Variants in MED31 observed in about 807,000 individuals in gnomAD.
MED31 encodes mediator of RNA polymerase II transcription subunit 31.
A neutral mutation model predicts 22.0 loss-of-function variants in MED31; 11 were observed. That is an observed-to-expected ratio of 0.50 (90% CI 0.31 to 0.83). The LOEUF (loss-of-function observed/expected upper bound fraction) is 0.83. MED31 is among the 40% of genes least tolerant of loss of function. The pLI, the probability that MED31 is intolerant of heterozygous loss-of-function variation, is 0.04. For synonymous variants in MED31, 60 were observed against 55.1 expected (o/e 1.09, Z -0.40); for missense variants, 122 against 155.3 (o/e 0.79, Z 1.14).
chr17:6,651,019 G>A (rs1420169160), intron 1 of MED31, among the ~76,000 whole-genome samples: 1 of 149,988 alleles, frequency 6.7e-6, no homozygotes, highest in Non-Finnish European at 1.5e-5. Context: ...TACTTGAGAG[G>A]CTGAGGCAGG....
intron 3 of MED31, among the ~76,000 whole-genome samples, chr17:6,649,297 A>G (rs1018956267): frequency 2.6e-5 from 4 of 151,830 alleles, no homozygotes; most frequent in Admixed American, 6.6e-5. Flanking sequence ...AGTAAGCCTT[A>G]ACATGAAAGT....
intron 3 of MED31, among the ~76,000 whole-genome samples, chr17:6,645,057 T>C (rs1216271265): frequency 6.6e-6 from 1 of 152,220 alleles, no homozygotes; most frequent in African/African-American, 2.4e-5. Flanking sequence ...ACAACTTTCA[T>C]TTAAAAGTGA....
chr17:6,651,065 G>A (rs1597635216), intron 1 of MED31, among the ~76,000 whole-genome samples: 1 of 134,542 alleles, frequency 7.4e-6, no homozygotes, highest in Non-Finnish European at 1.5e-5. Flanking sequence ...AGCTTGCAGT[G>A]AGCCGAGATC....
chr17:6,646,416 T>A (rs1156497834), intron 3 of MED31, among the ~76,000 whole-genome samples: 1 of 152,246 alleles, frequency 6.6e-6, no homozygotes, highest in Non-Finnish European at 1.5e-5. Flanking sequence ...TTCCTGTGTC[T>A]ACGTAGAAAA....
chr17:6,645,625 G>C (rs945390372), intron 3 of MED31, among the ~76,000 whole-genome samples: 1 of 152,144 alleles, frequency 6.6e-6, no homozygotes, highest in Non-Finnish European at 1.5e-5. Context: ...AATACTTAGC[G>C]CAAGAAAATA....
At chr17:6,648,404 A>G (rs947395882) in intron 3 of MED31, among the ~76,000 whole-genome samples, 7 of 152,248 alleles carry the variant, frequency 4.6e-5, no homozygotes. Flanking sequence ...AAGCAGGCCA[A>G]GTGGTAGAAA....
At chr17:6,645,266 T>C (rs750876174) in intron 3 of MED31, among the ~76,000 whole-genome samples, 1 of 152,220 alleles carries the variant, frequency 6.6e-6, no homozygotes, top group Non-Finnish European at 1.5e-5. Flanking sequence ...TGAGCTGGTA[T>C]TGAAAACATC....
chr17:6,648,871 G>C (rs1597633920), intron 3 of MED31, among the ~76,000 whole-genome samples: 1 of 152,006 alleles, frequency 6.6e-6, no homozygotes. Context: ...ACCATCTCTC[G>C]GCAACGTTGT....
rs757062158 is a variant in MED31, at chr17:6,650,047, T to G, written c.138A>C (p.Lys46Asn). ...AGTATTTAAGATAATTAACAAAAGC[T>G]TTGTCTTTGAAGTAACCTCTTTGGG... ...FLAQRGYFKD[K>N]AFVNYLKYLL... The change falls in exon 3 of 4, where the codon AAA becomes AAC. Residue 46 changes from lysine (K) to asparagine (N), a missense_variant. Lys to Asn is a moderately conservative substitution (Grantham distance 94). Transcript: ENST00000225728. The G allele has an allele frequency of 3.1e-6, 5 of 1,603,520 alleles. No homozygotes were observed. Among genetic ancestry groups the G allele is most frequent in the South Asian group, 1.1e-5 (1 of 87,378 alleles).
chr17:6,649,888 A>G (rs564722829), intron 3 of MED31, 94 bp downstream of exon 3: 11 of 1,228,786 alleles, frequency 9.0e-6, no homozygotes, highest in Non-Finnish European at 5.4e-6. Flanking sequence ...AAAGAAGTGG[A>G]GAGATTCCAA....
At chr17:6,647,909 G>T (rs1473823591) in intron 3 of MED31, among the ~76,000 whole-genome samples, 1 of 152,172 alleles carries the variant, frequency 6.6e-6, no homozygotes. Context: ...GATTATATCA[G>T]AATACCTTAG....
At position 6,644,255 on chromosome 17, in the gene MED31, CACCTT is replaced by C; in HGVS notation, c.*207_*211del. 5.4e-6 allele frequency: 3 copies of C among 559,188 alleles called. No homozygotes were observed. The highest frequency in any genetic ancestry group is 8.5e-6 in the Non-Finnish European group (3 of 353,056). 34.6% of individuals were successfully genotyped at this position (559,188 alleles called of 1,614,324 possible). ...ATGCTAAATGCGTAAAAAAGAAAAA[CACCTT>C]ACAAATCCACAGGGAAATCAAAGAA... is the stretch of plus-strand genomic sequence containing the variant. On this transcript the variant is annotated 3_prime_UTR_variant, in exon 4 of 4. Transcript: ENST00000225728.
Position 6,643,905 on chromosome 17 carries a change from C to G in MED31, c.*562G>C. 2.6e-6 allele frequency: 1 copy of G among 388,146 alleles called. No individual in the cohort carries two copies. Among genetic ancestry groups the G allele is most frequent in the Middle Eastern group, 6.5e-4 (1 of 1,546 alleles). The allele number at this position is 388,146 out of a possible 1,614,324, so 24.0% of individuals were successfully genotyped here. ...CTGCCATGACTAGGTCAAGTGAGGC[C>G]ACAGTGATTCAGTGATTCTTAAAGC... On this transcript the variant is annotated 3_prime_UTR_variant, in exon 4 of 4. Transcript: ENST00000225728.
intron 1 of MED31, 82 bp downstream of exon 1, chr17:6,651,419 G>T (rs372243628): frequency 3.2e-6 from 5 of 1,561,992 alleles, no homozygotes; most frequent in Non-Finnish European, 4.4e-6. Context: ...CAAGAGTAAG[G>T]CCTGGAAGGA....
At chr17:6,651,382 T>G in intron 1 of MED31, 119 bp downstream of exon 1, 1 of 1,328,744 alleles carries the variant, frequency 7.5e-7, no homozygotes, top group East Asian at 2.4e-5. Context: ...GAGCCTTCTC[T>G]CCTCTCTGTC....
At chr17:6,645,299 TATAGAC>T (rs1313792634) in intron 3 of MED31, among the ~76,000 whole-genome samples, 2 of 152,232 alleles carry the variant, frequency 1.3e-5, no homozygotes, top group African/African-American at 4.8e-5. Context: ...CGGCTTTTAA[TATAGAC>T]ATAGAATAAA....
chr17:6,643,713 CAAGGTTCTTAGAAT>C lies in MED31; in HGVS notation c.*740_*753del, dbSNP rs1269288349. 1 of 160,678 alleles carries C rather than the reference CAAGGTTCTTAGAAT, an allele frequency of 6.2e-6. No individual in the cohort carries two copies. Among genetic ancestry groups the C allele is most frequent in the Non-Finnish European group, 1.4e-5 (1 of 73,760 alleles). The allele number at this position is 160,678 out of a possible 1,614,324, so 10.0% of individuals were successfully genotyped here. A position where few individuals can be genotyped will look rare whatever the true frequency, so the allele number is the denominator to read the frequency against. On this transcript the variant is annotated 3_prime_UTR_variant, in exon 4 of 4. Transcript: ENST00000225728. ...AAACCTCAGTTTTCTCTTCTATAAACAAGGTTCTTAGAATAAAATGAGAATTCAAGGAAGCACTT... is the reference window on the plus strand; with the variant it reads ...AAACCTCAGTTTTCTCTTCTATAAACAAAATGAGAATTCAAGGAAGCACTT...
At chr17:6,650,462 A>T (rs766066805) in intron 1 of MED31, 29 bp from the exon 2 acceptor site, 4 of 1,600,462 alleles carry the variant, frequency 2.5e-6, no homozygotes, top group Non-Finnish European at 3.4e-6. Context: ...AAAATCATGG[A>T]AAACAAAGGT....
At chr17:6,647,509 G>A (rs922903413) in intron 3 of MED31, among the ~76,000 whole-genome samples, 14 of 152,200 alleles carry the variant, frequency 9.2e-5, no homozygotes, top group Non-Finnish European at 2.1e-4. Flanking sequence ...GCCTGGAGTG[G>A]GGCCTGAGCT....
Sources: gnomAD v4.1 joint callset for allele counts (sites outside exome capture counted in the v4.1 genomes callset) on GRCh38, gnomAD v4.1.1 for gene constraint, MANE v1.5 for transcripts, NCBI Gene and HGNC (gene_info 2026-07-23, HGNC 2026-07-21) for gene names.